Variants in MRPL1 observed in about 807,000 individuals in gnomAD.
The protein encoded by MRPL1 is large ribosomal subunit protein uL1m.
MRPL1 carries 28 observed loss-of-function variants against 38.0 expected under a neutral mutation model. That is an observed-to-expected ratio of 0.74 (90% confidence interval 0.55 to 1.01). MRPL1 has a LOEUF of 1.01. Ranked by LOEUF, MRPL1 falls within the 50% of genes least tolerant of loss-of-function variation. MRPL1 has a pLI of 0.00. For missense variants in MRPL1, 358 were observed against 389.8 expected (o/e 0.92, Z 0.69); for synonymous variants, 123 against 126.7 (o/e 0.97, Z 0.20).
rs537538511 is a variant in MRPL1 at position 77,944,606 on chromosome 4, A to G, written c.778-5191A>G. Among the ~76,000 whole-genome samples, 60 of 152,282 alleles carry G rather than the reference A, an allele frequency of 3.9e-4. 1 individual carries two copies. Among genetic ancestry groups the G allele is most frequent in the South Asian group, 2.9e-3 (14 of 4,828 alleles). On this transcript the variant is annotated intron_variant, in intron 7 of 8. Coordinates refer to ENST00000315567, the MANE Select transcript of MRPL1 (RefSeq NM_020236.4). Reference sequence around the variant, plus strand: ...TATTCGTCTTCCTGTTCCTGGTTCCATGTGTTGCTTGACAGAGTGAGGGTT... The same window carrying G: ...TATTCGTCTTCCTGTTCCTGGTTCCGTGTGTTGCTTGACAGAGTGAGGGTT...
intron 7 of MRPL1, among the ~76,000 whole-genome samples, chr4:77,916,578 C>T (rs1736429044): frequency 1.3e-5 from 2 of 152,134 alleles, no homozygotes; most frequent in South Asian, 4.1e-4. Context: ...ACATACTATT[C>T]TGTAGCTTTC....
At chr4:77,939,718 A>G (rs1276715827) in intron 7 of MRPL1, among the ~76,000 whole-genome samples, 1 of 152,176 alleles carries the variant, frequency 6.6e-6, no homozygotes, top group Admixed American at 6.5e-5. Context: ...TGATTTTTGT[A>G]TAAGGTGAGA....
At position 77,863,398 on chromosome 4, in the gene MRPL1, G is replaced by A. The variant is rs576782506; in HGVS notation, c.31+519G>A. Reference sequence around the variant, plus strand: ...TAATTCTGTAGTACCTCTTGGTAGCGCCTCTTTTCATCTTAATAATTTCAA... The same window carrying A: ...TAATTCTGTAGTACCTCTTGGTAGCACCTCTTTTCATCTTAATAATTTCAA... On this transcript the variant is annotated intron_variant, in intron 1 of 8. Transcript: ENST00000315567. Among the ~76,000 whole-genome samples, 91 of 151,010 alleles carry A rather than the reference G, an allele frequency of 6.0e-4. 1 individual carries two copies. The highest frequency in any genetic ancestry group is 1.1e-3 in the Non-Finnish European group (77 of 67,874).
rs1051979329 is a variant in MRPL1, at chr4:77,946,130, G to A, written c.778-3667G>A. On this transcript the variant is annotated intron_variant, in intron 7 of 8. Transcript: ENST00000315567. ...CGCGTAAGACAGACACTCCCAGAGC[G>A]GCCGTTTATAGACCTCCCCCCAGGA... Among the ~76,000 whole-genome samples the A allele has an allele frequency of 9.9e-5, 15 of 152,096 alleles. No homozygotes were observed. In the East Asian group the frequency reaches 1.5e-3, roughly 16 times the overall value.
chr4:77,882,852 T>C lies in MRPL1; in HGVS notation c.144-390T>C, dbSNP rs1413065419. ...TCTTTGGGGTGCTAACACTTCCTTA[T>C]CCATTAAGAATTGACTTTGAGGTCA... On this transcript the variant is annotated intron_variant, in intron 2 of 8. Coordinates refer to ENST00000315567, the MANE Select transcript of MRPL1 (RefSeq NM_020236.4). Among the ~76,000 whole-genome samples the C allele has an allele frequency of 2.6e-5, 4 of 152,230 alleles. No individual in the cohort carries two copies. In the East Asian group the frequency reaches 7.7e-4, roughly 29 times the overall value.
chr4:77,871,292 G>T (rs1459427739), intron 1 of MRPL1, among the ~76,000 whole-genome samples: 2 of 149,412 alleles, frequency 1.3e-5, no homozygotes, highest in Non-Finnish European at 3.0e-5. Context: ...CAAGAACTGT[G>T]GTTTCTATTA....
At chr4:77,901,995 T>A (rs1736045627) in intron 6 of MRPL1, among the ~76,000 whole-genome samples, 1 of 152,176 alleles carries the variant, frequency 6.6e-6, no homozygotes. Flanking sequence ...AGAATTGAAG[T>A]GACACACGTA....
At chr4:77,910,996 C>T (rs1736274571) in intron 7 of MRPL1, among the ~76,000 whole-genome samples, 1 of 152,166 alleles carries the variant, frequency 6.6e-6, no homozygotes, top group African/African-American at 2.4e-5. Context: ...TTTTAAGAGT[C>T]TATTCTGAAG....
intron 2 of MRPL1, among the ~76,000 whole-genome samples, chr4:77,879,504 A>G (rs1372386510): frequency 3.9e-5 from 6 of 152,240 alleles, no homozygotes; most frequent in Admixed American, 3.3e-4. Flanking sequence ...TAATTTAAAA[A>G]GTCATATTTC....
intron 7 of MRPL1, among the ~76,000 whole-genome samples, chr4:77,944,591 C>A (rs1737211243): frequency 1.3e-5 from 2 of 152,138 alleles, no homozygotes; most frequent in African/African-American, 2.4e-5. Flanking sequence ...TATTCGTCTT[C>A]CTGTTCCTGG....
In MRPL1 at chr4:77,883,304, T is replaced by C. The variant is rs1488698199; in HGVS notation, c.206T>C (p.Ile69Thr). 1 of 1,602,130 alleles carries C rather than the reference T, an allele frequency of 6.2e-7. No homozygotes were observed. Among genetic ancestry groups the C allele is most frequent in the Non-Finnish European group, 8.5e-7 (1 of 1,176,680 alleles). Residue 69 changes from isoleucine to threonine, a missense_variant, in exon 3 of 9, where the codon ATA (isoleucine) becomes ACA (threonine). Transcript: ENST00000315567. ...EKTPDEKKDE[I>T]EKIKAYPYME... ...ACACCAGATGAGAAAAAAGATGAAA[T>C]AGAAAAAATAAAAGCATATCCCTAT... is the stretch of plus-strand genomic sequence containing the variant.
At chr4:77,892,369 G>A (rs1326168828) in intron 5 of MRPL1, among the ~76,000 whole-genome samples, 5 of 152,076 alleles carry the variant, frequency 3.3e-5, no homozygotes, top group Non-Finnish European at 7.4e-5. Context: ...CTGACCTCAG[G>A]CGATCCAACC....
chr4:77,950,334 T>G (rs950079667), intron 8 of MRPL1, among the ~76,000 whole-genome samples: 1 of 152,230 alleles, frequency 6.6e-6, no homozygotes, highest in Non-Finnish European at 1.5e-5. Flanking sequence ...GAGAGTCATT[T>G]ATAAATGAGG....
chr4:77,952,698 A>G lies in MRPL1; in HGVS notation c.*91A>G. ...TAATTTTTACATTTGATGTCTTGTTATTGATCATACTTGAAAGTGAACTTT... is the reference window on the plus strand; with the variant it reads ...TAATTTTTACATTTGATGTCTTGTTGTTGATCATACTTGAAAGTGAACTTT... On this transcript the variant is annotated 3_prime_UTR_variant, in exon 9 of 9. Transcript: ENST00000315567. 1 of 769,332 alleles carries G rather than the reference A, an allele frequency of 1.3e-6. No individual in the cohort carries two copies. Among genetic ancestry groups the G allele is most frequent in the Non-Finnish European group, 2.1e-6 (1 of 470,188 alleles). 47.7% of individuals were successfully genotyped at this position (769,332 alleles called of 1,614,324 possible).
chr4:77,905,762 A>G (rs532279812), intron 6 of MRPL1, among the ~76,000 whole-genome samples: 5 of 152,070 alleles, frequency 3.3e-5, no homozygotes, highest in African/African-American at 1.2e-4. Flanking sequence ...TCAGACCTTC[A>G]CTTTAGTATG....
intron 7 of MRPL1, among the ~76,000 whole-genome samples, chr4:77,937,555 A>T (rs1460415300): frequency 6.6e-6 from 1 of 152,168 alleles, no homozygotes; most frequent in Non-Finnish European, 1.5e-5. Flanking sequence ...TTTCCTTCAT[A>T]TAGCACATGT....
intron 7 of MRPL1, among the ~76,000 whole-genome samples, chr4:77,943,376 T>C (rs1322003700): frequency 6.6e-6 from 1 of 152,176 alleles, no homozygotes; most frequent in Non-Finnish European, 1.5e-5. Context: ...CTTTTTGTGA[T>C]AAATTTCCCA....
intron 1 of MRPL1, among the ~76,000 whole-genome samples, chr4:77,869,219 G>A (rs896567361): frequency 2.0e-5 from 3 of 152,208 alleles, no homozygotes; most frequent in Admixed American, 2.0e-4. Flanking sequence ...AAAGAGATAA[G>A]AAAGGAGAGG....
intron 2 of MRPL1, among the ~76,000 whole-genome samples, chr4:77,879,677 CA>C (rs373510759): frequency 6.6e-6 from 1 of 152,228 alleles, no homozygotes; most frequent in East Asian, 1.9e-4. Context: ...ACAGGCTCTC[CA>C]AAATCCTTCT....
Sources: gnomAD v4.1 joint callset for allele counts (sites outside exome capture counted in the v4.1 genomes callset) on GRCh38, gnomAD v4.1.1 for gene constraint, MANE v1.5 for transcripts, NCBI Gene and HGNC (gene_info 2026-07-23, HGNC 2026-07-21) for gene names.